The following DENND5B variants were observed in gnomAD, a reference collection of about 807,000 sequenced individuals.
DENND5B encodes DENN domain-containing protein 5B.
Under a neutral mutation model 140.6 loss-of-function variants are expected in DENND5B, and 34 were observed. The observed-to-expected ratio is 0.24, with a 90% CI of 0.18 to 0.32. DENND5B has a LOEUF of 0.32. Among genes scored for constraint, DENND5B ranks in the 10% least tolerant of loss-of-function variants. The pLI is 1.00. For missense variants in DENND5B, 1,142 were observed against 1,560.2 expected, an observed-to-expected ratio of 0.73 and a Z score of 4.52; for synonymous variants, 551 against 562.1, an observed-to-expected ratio of 0.98 and a Z score of 0.28.
intron 1 of DENND5B, among the ~76,000 whole-genome samples, chr12:31,560,642 C>T (rs532977604): frequency 1.3e-5 from 2 of 152,222 alleles, no homozygotes; most frequent in African/African-American, 2.4e-5. Flanking sequence ...GGCAATGGCT[C>T]CCCCCATTCT....
chr12:31,404,758 G>GTTT (rs1565546658), intron 14 of DENND5B, among the ~76,000 whole-genome samples: 1 of 10,668 alleles, frequency 9.4e-5, no homozygotes, highest in Non-Finnish European at 2.3e-4. Context: ...CCGACCTCTA[G>GTTT]CTTTTTTTTT....
At chr12:31,424,410 G>T in intron 10 of DENND5B, 125 bp downstream of exon 10, 2 of 1,233,260 alleles carry the variant, frequency 1.6e-6, no homozygotes, top group Non-Finnish European at 2.2e-6. Flanking sequence ...AATGCCTGTG[G>T]CATTTTTCTA....
intron 1 of DENND5B, among the ~76,000 whole-genome samples, chr12:31,583,183 T>G (rs1397235317): frequency 1.3e-5 from 2 of 151,698 alleles, no homozygotes; most frequent in Non-Finnish European, 2.9e-5. Context: ...TCCCAGCTAC[T>G]CAGGAGGCTG....
intron 1 of DENND5B, among the ~76,000 whole-genome samples, chr12:31,498,106 A>G (rs1946855171): frequency 6.6e-6 from 1 of 152,208 alleles, no homozygotes; most frequent in African/African-American, 2.4e-5. Context: ...CTGACACAGC[A>G]ACAGCGTAAC....
chr12:31,570,981 C>T (rs1197034893), intron 1 of DENND5B, among the ~76,000 whole-genome samples: 1 of 151,998 alleles, frequency 6.6e-6, no homozygotes, highest in Non-Finnish European at 1.5e-5. Context: ...AAAGATTGTC[C>T]CTGTTATCAT....
intron 1 of DENND5B, among the ~76,000 whole-genome samples, chr12:31,581,444 T>C (rs1036464545): frequency 6.6e-5 from 10 of 152,064 alleles, no homozygotes; most frequent in Admixed American, 5.9e-4. Flanking sequence ...ATCCTAGCAC[T>C]TTGGGAGGCC....
intron 1 of DENND5B, among the ~76,000 whole-genome samples, chr12:31,583,834 G>C (rs899776480): frequency 2.0e-5 from 3 of 152,252 alleles, no homozygotes; most frequent in Admixed American, 2.0e-4. Context: ...ATGTACTCCA[G>C]AATCTGACAC....
At chr12:31,533,557 A>T (rs1948371728) in intron 1 of DENND5B, among the ~76,000 whole-genome samples, 1 of 152,200 alleles carries the variant, frequency 6.6e-6, no homozygotes, top group Non-Finnish European at 1.5e-5. Context: ...TCTATAAAAC[A>T]AAGACCTTGG....
intron 15 of DENND5B, among the ~76,000 whole-genome samples, chr12:31,401,682 G>A (rs1315004597): frequency 6.6e-6 from 1 of 152,160 alleles, no homozygotes; most frequent in African/African-American, 2.4e-5. Context: ...CCAGGCTGGA[G>A]TGCAGTGGCA....
At chr12:31,390,979 G>T (rs1413764601) in intron 19 of DENND5B, among the ~76,000 whole-genome samples, 1 of 152,202 alleles carries the variant, frequency 6.6e-6, no homozygotes, top group Non-Finnish European at 1.5e-5. Context: ...TGGGGCCACT[G>T]CACTCCAGCC....
intron 1 of DENND5B, among the ~76,000 whole-genome samples, chr12:31,512,934 T>G (rs1947484309): frequency 6.6e-6 from 1 of 152,196 alleles, no homozygotes; most frequent in Non-Finnish European, 1.5e-5. Context: ...AAGTCTAAAC[T>G]TTATCTAGAT....
chr12:31,535,749 AT>A (rs1732491820), intron 1 of DENND5B, among the ~76,000 whole-genome samples: 1 of 152,220 alleles, frequency 6.6e-6, no homozygotes, highest in Non-Finnish European at 1.5e-5. Context: ...ACCAACAAAC[AT>A]CCGCAAGTAT....
intron 3 of DENND5B, among the ~76,000 whole-genome samples, chr12:31,473,970 G>C (rs1703607106): frequency 6.6e-6 from 1 of 152,148 alleles, no homozygotes; most frequent in Non-Finnish European, 1.5e-5. Context: ...CCTCTCAGTT[G>C]ACCAGCAAAG....
chr12:31,478,543 A>G (rs1326674126), intron 3 of DENND5B, among the ~76,000 whole-genome samples: 1 of 152,102 alleles, frequency 6.6e-6, no homozygotes, highest in African/African-American at 2.4e-5. Context: ...TCTCTACAAA[A>G]AATAAAAAAT....
intron 1 of DENND5B, among the ~76,000 whole-genome samples, chr12:31,527,183 C>A (rs1866246627): frequency 6.6e-6 from 1 of 152,152 alleles, no homozygotes; most frequent in South Asian, 2.1e-4. Flanking sequence ...TAAAAATAGT[C>A]ATCTGGAAAG....
intron 13 of DENND5B, among the ~76,000 whole-genome samples, chr12:31,410,434 G>A (rs1942388655): frequency 3.3e-5 from 5 of 152,118 alleles, no homozygotes; most frequent in Middle Eastern, 3.4e-3. Flanking sequence ...ATGAGGTCTC[G>A]TTCTATAACC....
Position 31,451,413 on chromosome 12 carries a change from T to G in DENND5B, c.1629+527A>C, listed in dbSNP as rs35545963. On this transcript the variant is annotated intron_variant, in intron 5 of 20. Coordinates refer to ENST00000389082, the MANE Select transcript of DENND5B (RefSeq NM_144973.4). ...ATCTTGGCTCACTGCAACCTCTGCC[T>G]CCCGGGTTCAAGCGATTCTCCTGCC... Among the ~76,000 whole-genome samples the G allele has an allele frequency of 2.7e-3, 414 of 152,092 alleles. 4 individuals carry two copies. Among genetic ancestry groups the G allele is most frequent in the African/African-American group, 9.5e-3 (393 of 41,472 alleles).
chr12:31,515,185 G>A (rs1291362884), intron 1 of DENND5B, among the ~76,000 whole-genome samples: 3 of 152,136 alleles, frequency 2.0e-5, no homozygotes, highest in Admixed American at 6.5e-5. Flanking sequence ...CATGTCTGCA[G>A]TCCGAGCTAT....
intron 1 of DENND5B, among the ~76,000 whole-genome samples, chr12:31,521,100 G>T (rs1404521674): frequency 1.3e-5 from 2 of 150,610 alleles, no homozygotes; most frequent in African/African-American, 4.9e-5. Flanking sequence ...CATTAAAGTT[G>T]GTCTTTTTTT....
Sources: gnomAD v4.1 joint callset for allele counts (sites outside exome capture counted in the v4.1 genomes callset) on GRCh38, gnomAD v4.1.1 for gene constraint, MANE v1.5 for transcripts, NCBI Gene and HGNC (gene_info 2026-07-23, HGNC 2026-07-21) for gene names.